The following BEND7 variants were observed in gnomAD, a reference collection of about 807,000 sequenced individuals.
BEND7 encodes the protein BEN domain containing 7.
BEND7 carries 28 observed loss-of-function variants against 50.9 expected under a neutral mutation model. That is an observed-to-expected ratio of 0.55 (90% CI 0.41 to 0.75). The LOEUF is 0.75. Among genes scored for constraint, BEND7 ranks in the 30% least tolerant of loss-of-function variants. The probability of loss-of-function intolerance (pLI) is 0.00; values close to 1 mark genes in which losing one functional copy is unlikely to be tolerated. For missense variants in BEND7, 477 were observed against 491.3 expected, an observed-to-expected ratio of 0.97 and a Z score of 0.28; for synonymous variants, 170 against 183.9, an observed-to-expected ratio of 0.92 and a Z score of 0.61.
intron 1 of BEND7, among the ~76,000 whole-genome samples, chr10:13,527,226 G>GA (rs35603506): frequency 0.3 from 45,815 of 151,608 alleles, 7,425 homozygotes; most frequent in Non-Finnish European, 0.37. Flanking sequence ...CACGGATGTG[G>GA]AAAAAAAAAT....
At chr10:13,467,471 A>G (rs944876032) in intron 6 of BEND7, among the ~76,000 whole-genome samples, 66 of 152,222 alleles carry the variant, frequency 4.3e-4, no homozygotes, top group African/African-American at 1.5e-3. Context: ...TACACTTTCC[A>G]TGTGGCATAC....
chr10:13,453,967 C>T (rs1838358758), intron 6 of BEND7, among the ~76,000 whole-genome samples: 1 of 152,194 alleles, frequency 6.6e-6, no homozygotes, highest in African/African-American at 2.4e-5. Flanking sequence ...TCTCTACTGT[C>T]AAACACATGG....
At chr10:13,508,828 A>G (rs1269141008) in intron 2 of BEND7, among the ~76,000 whole-genome samples, 2 of 152,356 alleles carry the variant, frequency 1.3e-5, no homozygotes, top group Non-Finnish European at 2.9e-5. Context: ...AGGAAACAAA[A>G]GAGTGTGTAC....
At chr10:13,448,417 T>C (rs1409978505) in intron 7 of BEND7, among the ~76,000 whole-genome samples, 3 of 152,174 alleles carry the variant, frequency 2.0e-5, no homozygotes, top group African/African-American at 4.8e-5. Context: ...TGTGAGGCTG[T>C]TGAATGAGGT....
chr10:13,441,219 G>A lies in BEND7; in HGVS notation c.*524C>T. On this transcript the variant is annotated 3_prime_UTR_variant, in exon 9 of 9. Coordinates refer to ENST00000466271, the MANE Select transcript of BEND7 (RefSeq NM_001369863.1). ...ATTGAATTCTTTTTTAAAGAACATA[G>A]TAATTTTAAAAAATCTAAATATTTA... 3 of 922,302 alleles carry A rather than the reference G, an allele frequency of 3.3e-6. No homozygotes were observed. Among genetic ancestry groups the A allele is most frequent in the Non-Finnish European group, 3.9e-6 (3 of 772,892 alleles). The allele number at this position is 922,302 out of a possible 1,614,324, so 57.1% of individuals were successfully genotyped here.
At chr10:13,486,660 C>T (rs1346782487) in intron 5 of BEND7, among the ~76,000 whole-genome samples, 1 of 152,196 alleles carries the variant, frequency 6.6e-6, no homozygotes, top group Non-Finnish European at 1.5e-5. Flanking sequence ...ATCCAACAGC[C>T]AATTCTTTAT....
intron 6 of BEND7, among the ~76,000 whole-genome samples, chr10:13,460,389 C>A (rs981406492): frequency 1.3e-5 from 2 of 152,198 alleles, no homozygotes; most frequent in Admixed American, 6.5e-5. Context: ...ACCAAAGAGC[C>A]TTCTAGAAGA....
intron 5 of BEND7, among the ~76,000 whole-genome samples, chr10:13,490,796 T>C (rs1483535514): frequency 6.6e-6 from 1 of 152,072 alleles, no homozygotes; most frequent in Admixed American, 6.6e-5. Context: ...TCCTATGATT[T>C]TGTTTTTTTG....
chr10:13,525,611 T>A (rs1352286057), intron 2 of BEND7, among the ~76,000 whole-genome samples: 1 of 152,224 alleles, frequency 6.6e-6, no homozygotes, highest in Non-Finnish European at 1.5e-5. Flanking sequence ...ATTTTCCTTA[T>A]GCTTTTTGAC....
At chr10:13,479,510 GA>G (rs901659117) in intron 6 of BEND7, among the ~76,000 whole-genome samples, 4 of 150,272 alleles carry the variant, frequency 2.7e-5, no homozygotes, top group African/African-American at 7.3e-5. Flanking sequence ...CTGCCCTGGG[GA>G]AAAAAAAAGA....
At chr10:13,476,230 G>A (rs577459555) in intron 6 of BEND7, among the ~76,000 whole-genome samples, 1 of 152,306 alleles carries the variant, frequency 6.6e-6, no homozygotes, top group South Asian at 2.1e-4. Context: ...GTGAAAGTGT[G>A]ACAGCAAAAG....
In BEND7 at chr10:13,493,441, TA is replaced by T. The variant is rs1162987217; in HGVS notation, c.572-566del. Among the ~76,000 whole-genome samples the T allele has an allele frequency of 3.3e-5, 5 of 152,338 alleles. 1 individual carries two copies. Among genetic ancestry groups the T allele is most frequent in the Middle Eastern group, 3.4e-3 (1 of 294 alleles). On this transcript the variant is annotated intron_variant, in intron 4 of 8. Transcript: ENST00000466271. ...ATGTGGGAAAAGCCTATTAGTTACTTAATTAGGACCAGTGAATCCTTCCTCA... is the reference window on the plus strand; with the variant it reads ...ATGTGGGAAAAGCCTATTAGTTACTTATTAGGACCAGTGAATCCTTCCTCA...
chr10:13,504,183 G>A (rs2077695689), intron 2 of BEND7, among the ~76,000 whole-genome samples: 1 of 152,198 alleles, frequency 6.6e-6, no homozygotes, highest in South Asian at 2.1e-4. Flanking sequence ...CAGATGAGCA[G>A]GCCGAGCCGT....
intron 2 of BEND7, among the ~76,000 whole-genome samples, chr10:13,506,974 C>A (rs572464746): frequency 6.6e-6 from 1 of 152,152 alleles, no homozygotes; most frequent in South Asian, 2.1e-4. Context: ...TGAAGAAAAT[C>A]TGGATAAAAG....
At chr10:13,500,430 C>G in intron 2 of BEND7, 1 of 822,820 alleles carries the variant, frequency 1.2e-6, no homozygotes, top group African/African-American at 1.8e-5. Flanking sequence ...AAGGATAGAA[C>G]TGGACCGCGG....
chr10:13,445,100 G>C (rs915942046), intron 8 of BEND7: 1 of 152,194 alleles, frequency 6.6e-6, no homozygotes, highest in Non-Finnish European at 1.5e-5. Flanking sequence ...TTACAGGTGT[G>C]AGCCACCGCG....
At chr10:13,507,379 G>C (rs543836321) in intron 2 of BEND7, among the ~76,000 whole-genome samples, 7 of 152,238 alleles carry the variant, frequency 4.6e-5, no homozygotes, top group African/African-American at 1.4e-4. Context: ...GAGCAGAATG[G>C]ACACAGGGCG....
At chr10:13,449,499 C>T (rs1837217447) in intron 7 of BEND7, among the ~76,000 whole-genome samples, 1 of 152,168 alleles carries the variant, frequency 6.6e-6, no homozygotes, top group Non-Finnish European at 1.5e-5. Flanking sequence ...GTAACAATGC[C>T]AAGGACATGA....
chr10:13,521,908 G>A (rs942497436), intron 2 of BEND7, among the ~76,000 whole-genome samples: 4 of 152,164 alleles, frequency 2.6e-5, no homozygotes, highest in African/African-American at 9.7e-5. Context: ...GGAATTGTTC[G>A]AGTGTGTCCT....
Sources: allele counts gnomAD v4.1 joint callset (sites outside exome capture counted in the v4.1 genomes callset), GRCh38; gene constraint gnomAD v4.1.1; transcripts MANE v1.5; gene names NCBI Gene and HGNC (gene_info 2026-07-23, HGNC 2026-07-21).